The following ATRN variants were observed in gnomAD, a reference collection of about 807,000 sequenced individuals.
ATRN encodes attractin-2.
In ATRN, 54 loss-of-function variants were observed where a neutral mutation model predicts 178.7. The ratio of observed to expected loss-of-function variants is 0.30; its 90% CI spans 0.24 to 0.38. ATRN has a LOEUF of 0.38. Among genes scored for constraint, ATRN ranks in the 10% least tolerant of loss-of-function variants. ATRN has a pLI of 1.00. For synonymous variants in ATRN, 636 were observed against 663.0 expected, an observed-to-expected ratio of 0.96 and a Z score of 0.63; for missense variants, 1,443 against 1,815.1, an observed-to-expected ratio of 0.79 and a Z score of 3.73.
At chr20:3,592,032 T>C (rs1490952957) in intron 19 of ATRN, among the ~76,000 whole-genome samples, 1 of 152,188 alleles carries the variant, frequency 6.6e-6, no homozygotes, top group Non-Finnish European at 1.5e-5. Flanking sequence ...TGGTCAGGCC[T>C]GAAAAATCAC....
At chr20:3,536,143 T>G (rs1202282364) in intron 2 of ATRN, among the ~76,000 whole-genome samples, 1 of 152,108 alleles carries the variant, frequency 6.6e-6, no homozygotes, top group East Asian at 1.9e-4. Context: ...TTCTCAGACT[T>G]TTTTGGTCTC....
intron 18 of ATRN, among the ~76,000 whole-genome samples, chr20:3,588,752 A>G (rs898542879): frequency 6.6e-6 from 1 of 152,140 alleles, no homozygotes; most frequent in African/African-American, 2.4e-5. Context: ...TTCGTCAAGG[A>G]TTAGCATTAA....
At chr20:3,487,095 G>A (rs1053105859) in intron 1 of ATRN, among the ~76,000 whole-genome samples, 5 of 152,086 alleles carry the variant, frequency 3.3e-5, no homozygotes, top group African/African-American at 1.2e-4. Flanking sequence ...AATTTGTGGT[G>A]TAACTTGTTA....
intron 24 of ATRN, among the ~76,000 whole-genome samples, chr20:3,614,039 A>G (rs2086804213): frequency 1.3e-5 from 2 of 152,248 alleles, no homozygotes; most frequent in Admixed American, 6.5e-5. Context: ...ATCAAAACCT[A>G]TAACTGCTGA....
rs2087043070 is a variant in ATRN, at chr20:3,638,612, T to C, written c.3943-216T>C. On this transcript the variant is annotated intron_variant, in intron 26 of 28. Coordinates refer to ENST00000262919, the MANE Select transcript of ATRN (RefSeq NM_139321.3). The surrounding 1 kb of genome is among the most constrained non-coding windows in gnomAD (Gnocchi z 4.5). ...AACATCGTACGTTAATATGTATCTCTGACAGGGGCTTTTAAAAAATATAAG... is the reference window on the plus strand; with the variant it reads ...AACATCGTACGTTAATATGTATCTCCGACAGGGGCTTTTAAAAAATATAAG... Among the ~76,000 whole-genome samples the C allele has an allele frequency of 6.6e-6, 1 of 152,240 alleles. No homozygotes were observed.
chr20:3,622,585 T>C (rs939745872), intron 24 of ATRN, among the ~76,000 whole-genome samples: 2 of 152,252 alleles, frequency 1.3e-5, no homozygotes, highest in Non-Finnish European at 2.9e-5. Context: ...TTTGTCATCT[T>C]GTCAGTCAAA....
intron 1 of ATRN, chr20:3,490,476 C>G: frequency 9.4e-7 from 1 of 1,066,286 alleles, no homozygotes; most frequent in Non-Finnish European, 1.5e-6. Flanking sequence ...ATCTCTTATA[C>G]TCTGCATTCT....
chr20:3,612,994 T>A (rs1448518767), intron 24 of ATRN, among the ~76,000 whole-genome samples: 1 of 152,074 alleles, frequency 6.6e-6, no homozygotes, highest in Non-Finnish European at 1.5e-5. Context: ...ACTGAAGTGG[T>A]TTTAGAGCTT....
chr20:3,582,564 ATAAC>A (rs2086295861), intron 16 of ATRN, among the ~76,000 whole-genome samples: 1 of 152,342 alleles, frequency 6.6e-6, no homozygotes, highest in African/African-American at 2.4e-5. Flanking sequence ...AAAACTAAAA[ATAAC>A]TAACACTACT....
rs2087102063 is a variant in ATRN, at chr20:3,645,670, C to T, written c.4166-1053C>T. ...AGTGGGGCCGTCCTTGCTGCCCCTT[C>T]TGTACCCCCTGTTTTAAGTGGTGCC... On this transcript the variant is annotated intron_variant, in intron 28 of 28. Transcript: ENST00000262919. This position sits in a 1 kb window ranked among gnomAD's most constrained non-coding sequence, Gnocchi z 4.7. Among the ~76,000 whole-genome samples the T allele has an allele frequency of 6.7e-6, 1 of 148,600 alleles. No individual in the cohort carries two copies. The highest frequency in any genetic ancestry group is 2.4e-5 in the African/African-American group (1 of 41,266).
intron 1 of ATRN, among the ~76,000 whole-genome samples, chr20:3,480,969 G>C (rs1360165297): frequency 6.6e-6 from 1 of 152,198 alleles, no homozygotes; most frequent in African/African-American, 2.4e-5. Flanking sequence ...TGAAATACTT[G>C]TGTCTGGAAA....
Position 3,535,778 on chromosome 20 carries a change from A to C in ATRN, c.494+442A>C, listed in dbSNP as rs112202153. Among the ~76,000 whole-genome samples the C allele has an allele frequency of 5.9e-3, 893 of 152,080 alleles. 8 individuals carry two copies. Among genetic ancestry groups the C allele is most frequent in the African/African-American group, 0.02 (837 of 41,504 alleles). Reference sequence around the variant, plus strand: ...CCTGAGCAGCTAGGATTACAGGTGCATGCCACCACGCCAGGCTAATTTTGT... The same window carrying C: ...CCTGAGCAGCTAGGATTACAGGTGCCTGCCACCACGCCAGGCTAATTTTGT... On this transcript the variant is annotated intron_variant, in intron 2 of 28. Coordinates refer to ENST00000262919, the MANE Select transcript of ATRN (RefSeq NM_139321.3).
chr20:3,562,535 T>C (rs2085970179), intron 9 of ATRN, 76 bp downstream of exon 9: 1 of 1,480,224 alleles, frequency 6.8e-7, no homozygotes, highest in Non-Finnish European at 9.3e-7. Context: ...TATTGTGCTA[T>C]CTTTTTGTTT....
At chr20:3,490,866 A>G (rs1406242894) in intron 1 of ATRN, 8 of 877,942 alleles carry the variant, frequency 9.1e-6, no homozygotes, top group African/African-American at 1.6e-5. Context: ...ACTGACCTCC[A>G]TATACCTATC....
chr20:3,619,910 C>A (rs1006794943), intron 24 of ATRN, among the ~76,000 whole-genome samples: 2 of 152,206 alleles, frequency 1.3e-5, no homozygotes, highest in African/African-American at 4.8e-5. Context: ...CATAGAATGA[C>A]ACTTAAGCAC....
chr20:3,517,682 A>G (rs990402158), intron 1 of ATRN, among the ~76,000 whole-genome samples: 1 of 150,488 alleles, frequency 6.6e-6, no homozygotes, highest in African/African-American at 2.5e-5. Context: ...GAGGCAAGAG[A>G]ATTGCTTGAA....
At chr20:3,615,557 C>CT (rs553919921) in intron 24 of ATRN, among the ~76,000 whole-genome samples, 4,461 of 133,204 alleles carry the variant, frequency 0.033, 135 homozygotes, top group Non-Finnish European at 0.051. Flanking sequence ...TTTCTTTTTT[C>CT]TTTTTTTTTT....
intron 1 of ATRN, among the ~76,000 whole-genome samples, chr20:3,515,426 T>A (rs2085194033): frequency 6.6e-6 from 1 of 152,152 alleles, no homozygotes; most frequent in Non-Finnish European, 1.5e-5. Context: ...GTAGATTTAC[T>A]AAAGTGAACT....
chr20:3,629,325 T>C (rs1252156648), intron 25 of ATRN: 5 of 983,880 alleles, frequency 5.1e-6, no homozygotes, highest in African/African-American at 1.8e-5. Context: ...CATATTCAGC[T>C]TGCACTCTTC....
Sources: gnomAD v4.1 joint callset for allele counts (sites outside exome capture counted in the v4.1 genomes callset) on GRCh38, gnomAD v4.1.1 for gene constraint, Gnocchi (gnomAD v3.1) non-coding constraint, MANE v1.5 for transcripts, NCBI Gene and HGNC (gene_info 2026-07-23, HGNC 2026-07-21) for gene names.